Variants in PPP1R16B observed in about 807,000 individuals in gnomAD.
PPP1R16B encodes protein phosphatase 1 regulatory subunit 16B, also known as protein phosphatase 1 regulatory inhibitor subunit 16B.
PPP1R16B carries 14 observed loss-of-function variants against 61.7 expected under a neutral mutation model. That is an observed-to-expected ratio of 0.23 (90% CI 0.15 to 0.35). PPP1R16B has a LOEUF of 0.35. PPP1R16B is among the 10% of genes least tolerant of loss of function. The probability of loss-of-function intolerance (pLI) is 1.00; values close to 1 mark genes in which losing one functional copy is unlikely to be tolerated. For missense variants in PPP1R16B, 547 were observed against 752.5 expected (o/e 0.73, Z 3.19); for synonymous variants, 266 against 305.3 (o/e 0.87, Z 1.34).
intron 2 of PPP1R16B, among the ~76,000 whole-genome samples, chr20:38,886,163 T>C (rs1417354663): frequency 6.6e-6 from 1 of 152,190 alleles, no homozygotes; most frequent in East Asian, 1.9e-4. Context: ...AGGACTTTGC[T>C]CCTGTGAGTA....
chr20:38,840,791 T>C (rs2084904473), intron 2 of PPP1R16B, among the ~76,000 whole-genome samples: 1 of 152,200 alleles, frequency 6.6e-6, no homozygotes, highest in Non-Finnish European at 1.5e-5. Flanking sequence ...TGTGCATCCT[T>C]GGGAAAGTTA....
intron 3 of PPP1R16B, among the ~76,000 whole-genome samples, chr20:38,895,357 A>T (rs1229363336): frequency 6.6e-6 from 1 of 152,100 alleles, no homozygotes; most frequent in Non-Finnish European, 1.5e-5. Flanking sequence ...CTTCATTTTT[A>T]CTCACAAGGA....
chr20:38,809,251 G>A (rs1829203059), intron 1 of PPP1R16B, among the ~76,000 whole-genome samples: 1 of 151,940 alleles, frequency 6.6e-6, no homozygotes, highest in African/African-American at 2.4e-5. Context: ...TCCTGGGGCG[G>A]GGGTGGGGGC....
chr20:38,861,711 C>T (rs1273261829), intron 2 of PPP1R16B, among the ~76,000 whole-genome samples: 4 of 139,952 alleles, frequency 2.9e-5, no homozygotes, highest in Non-Finnish European at 6.0e-5. Flanking sequence ...AAGTCTTGCT[C>T]TGTCGCCCAG....
At chr20:38,914,230 A>G (rs2085514733) in intron 10 of PPP1R16B, among the ~76,000 whole-genome samples, 1 of 152,164 alleles carries the variant, frequency 6.6e-6, no homozygotes, top group Non-Finnish European at 1.5e-5. Context: ...CGGTTGATAA[A>G]TTGACAGTTT....
intron 6 of PPP1R16B, 25 bp from the exon 7 acceptor site, chr20:38,905,944 T>A (rs1306081540): frequency 1.2e-6 from 2 of 1,607,628 alleles, no homozygotes; most frequent in African/African-American, 2.7e-5. Flanking sequence ...CCCTGAGGAA[T>A]GCTCACTTCT....
In PPP1R16B at chr20:38,823,623, A is replaced by G. The variant is rs149561403; in HGVS notation, c.-101-12202A>G. Among the ~76,000 whole-genome samples, 514 of 152,126 alleles carry G rather than the reference A, an allele frequency of 3.4e-3. 4 individuals carry two copies. The highest frequency in any genetic ancestry group is 0.012 in the African/African-American group (489 of 41,520). ...GCCACTGCACTCCAGCCTGGGCAAC[A>G]GAGACTTTGTCTCAAAAAAAAAAAA... On this transcript the variant is annotated intron_variant, in intron 1 of 10. Coordinates refer to ENST00000299824, the MANE Select transcript of PPP1R16B (RefSeq NM_015568.4).
At chr20:38,889,759 G>A (rs1008065238) in intron 3 of PPP1R16B, 94 bp downstream of exon 3, 10 of 1,315,436 alleles carry the variant, frequency 7.6e-6, no homozygotes, top group Middle Eastern at 2.0e-4. Context: ...AACCCTCAGG[G>A]AGGAGGGAAT....
intron 2 of PPP1R16B, among the ~76,000 whole-genome samples, chr20:38,869,051 T>G (rs956392343): frequency 1.3e-5 from 2 of 152,188 alleles, no homozygotes; most frequent in Non-Finnish European, 2.9e-5. Flanking sequence ...CCTACGCTCT[T>G]CCAGGCAGCT....
chr20:38,859,761 G>A (rs2085034733), intron 2 of PPP1R16B, among the ~76,000 whole-genome samples: 1 of 152,060 alleles, frequency 6.6e-6, no homozygotes, highest in Non-Finnish European at 1.5e-5. Context: ...AAGGTGTTGG[G>A]GTTATAGGCA....
At chr20:38,848,221 A>T (rs575804258) in intron 2 of PPP1R16B, among the ~76,000 whole-genome samples, 4 of 152,174 alleles carry the variant, frequency 2.6e-5, no homozygotes, top group African/African-American at 9.6e-5. Context: ...TGTATATTAA[A>T]CCTATGTTTT....
intron 10 of PPP1R16B, among the ~76,000 whole-genome samples, chr20:38,914,707 C>T (rs1007464614): frequency 2.6e-5 from 4 of 152,132 alleles, no homozygotes; most frequent in African/African-American, 4.8e-5. Context: ...CTGACAGGGT[C>T]ACTCAGGTTA....
chr20:38,832,685 G>T (rs940078527), intron 1 of PPP1R16B, among the ~76,000 whole-genome samples: 1 of 152,102 alleles, frequency 6.6e-6, no homozygotes, highest in Admixed American at 6.5e-5. Flanking sequence ...TTGGGAGGCC[G>T]AGGTGGGCAG....
rs2085570204 is a variant in PPP1R16B, at chr20:38,919,136, C to CA, written c.*471dup. On this transcript the variant is annotated 3_prime_UTR_variant, in exon 11 of 11. Coordinates refer to ENST00000299824, the MANE Select transcript of PPP1R16B (RefSeq NM_015568.4). ...TCCCAAAAGGATGGAAGTTAAGACT[C>CA]AGAGTCTCATTACCACTGCCAATGT... The CA allele has an allele frequency of 6.5e-6, 1 of 153,782 alleles. No homozygotes were observed. Among genetic ancestry groups the CA allele is most frequent in the Admixed American group, 6.5e-5 (1 of 15,332 alleles). 9.5% of individuals were successfully genotyped at this position (153,782 alleles called of 1,614,324 possible). A position where few individuals can be genotyped will look rare whatever the true frequency, so the allele number is the denominator to read the frequency against.
At chr20:38,851,193 A>G (rs963588142) in intron 2 of PPP1R16B, among the ~76,000 whole-genome samples, 3 of 151,226 alleles carry the variant, frequency 2.0e-5, no homozygotes, top group Admixed American at 6.6e-5. Context: ...GGCTGGGCAT[A>G]GTGGCTCACG....
intron 4 of PPP1R16B, among the ~76,000 whole-genome samples, chr20:38,899,278 A>G (rs1377107049): frequency 6.6e-6 from 1 of 152,180 alleles, no homozygotes. Flanking sequence ...GAACCTGAGT[A>G]TGGCTAATTC....
At chr20:38,900,499 A>C (rs1050136242) in intron 4 of PPP1R16B, 82 bp from the exon 5 acceptor site, 1 of 1,036,526 alleles carries the variant, frequency 9.6e-7, no homozygotes, top group Admixed American at 2.4e-5. Flanking sequence ...GTAGGATTGC[A>C]GGCGAGAGGC....
At chr20:38,912,825 C>T (rs955133406) in intron 10 of PPP1R16B, among the ~76,000 whole-genome samples, 1 of 152,212 alleles carries the variant, frequency 6.6e-6, no homozygotes, top group Non-Finnish European at 1.5e-5. Flanking sequence ...AGGCTGTGCC[C>T]TGTTAGCCTT....
chr20:38,842,289 G>T lies in PPP1R16B; in HGVS notation c.250+6114G>T, dbSNP rs141626641. 1.4e-3 allele frequency among the ~76,000 whole-genome samples: 216 copies of T among 152,306 alleles called. 1 individual carries two copies. Among genetic ancestry groups the T allele is most frequent in the African/African-American group, 5.0e-3 (206 of 41,552 alleles). On this transcript the variant is annotated intron_variant, in intron 2 of 10. Transcript: ENST00000299824. ...TGGCCTTAGGCATCCTGGTGTTTCT[G>T]CTGGCATCTTGGGCCCTTTGATTTG...
Sources: allele counts gnomAD v4.1 joint callset (sites outside exome capture counted in the v4.1 genomes callset), GRCh38; gene constraint gnomAD v4.1.1; transcripts MANE v1.5; gene names NCBI Gene and HGNC (gene_info 2026-07-23, HGNC 2026-07-21).